The following USP46 variants were observed in gnomAD, a reference collection of about 807,000 sequenced individuals.
The protein encoded by USP46 is ubiquitin carboxyl-terminal hydrolase 46.
USP46 carries 12 observed loss-of-function variants against 44.4 expected under a neutral mutation model. The ratio of observed to expected loss-of-function variants is 0.27; its 90% CI spans 0.17 to 0.44. USP46 has a LOEUF of 0.44. USP46 is among the 20% of genes least tolerant of loss of function. USP46 has a pLI of 1.00. For missense variants in USP46, 248 were observed against 444.8 expected (o/e 0.56, Z 3.98); for synonymous variants, 155 against 161.5 (o/e 0.96, Z 0.31).
intron 4 of USP46, among the ~76,000 whole-genome samples, chr4:52,623,636 A>G (rs1717465803): frequency 6.6e-6 from 1 of 152,172 alleles, no homozygotes; most frequent in African/African-American, 2.4e-5. Context: ...ATAAAAACAA[A>G]AAGTAGGGGC....
At chr4:52,627,861 A>C (rs188883716) in intron 3 of USP46, 89 bp downstream of exon 3, 47 of 1,392,738 alleles carry the variant, frequency 3.4e-5, no homozygotes, top group Non-Finnish European at 4.5e-5. Flanking sequence ...CTTTTCAAAA[A>C]AATGCCAGCT....
At chr4:52,639,860 G>GTT (rs34078992) in intron 1 of USP46, among the ~76,000 whole-genome samples, 156 of 116,538 alleles carry the variant, frequency 1.3e-3, no homozygotes, top group East Asian at 8.1e-3. Flanking sequence ...CCATGCCTGG[G>GTT]TTTTTTTTTT....
intron 4 of USP46, 107 bp from the exon 5 acceptor site, chr4:52,610,724 T>TA (rs1257933787): frequency 1.9e-6 from 2 of 1,040,056 alleles, no homozygotes; most frequent in African/African-American, 3.2e-5. Flanking sequence ...TAACTGCAGT[T>TA]AAAGTCCTGC....
intron 1 of USP46, among the ~76,000 whole-genome samples, chr4:52,644,179 G>C (rs1031372472): frequency 6.6e-6 from 1 of 152,168 alleles, no homozygotes; most frequent in African/African-American, 2.4e-5. Context: ...CCATGTCATA[G>C]CTGAAGGAAA....
rs1223781733 is a variant in USP46 at position 52,601,922 on chromosome 4, G to A, written c.855C>T (p.Thr285=). The change falls in exon 7 of 9, where the codon ACC becomes ACT. Residue 285 remains threonine, a synonymous_variant. Coordinates refer to ENST00000441222, the MANE Select transcript of USP46 (RefSeq NM_022832.4). ...GGTCCAGGTTCACTGCATCACTGGA[G>A]GTGTTGAAGAGCCGGAGTTCCAGAG... ...VFPLELRLFN[T]SSDAVNLDRM... The A allele has an allele frequency of 6.2e-7, 1 of 1,613,968 alleles. No individual in the cohort carries two copies. The highest frequency in any genetic ancestry group is 8.5e-7 in the Non-Finnish European group (1 of 1,179,890).
intron 1 of USP46, among the ~76,000 whole-genome samples, chr4:52,641,481 C>T (rs117575128): frequency 3.9e-5 from 6 of 151,996 alleles, no homozygotes; most frequent in East Asian, 3.9e-4. Flanking sequence ...ATGCATAAGA[C>T]GGATAAAGAA....
intron 1 of USP46, among the ~76,000 whole-genome samples, chr4:52,633,003 AAAGAAAGAAAG>A (rs1560406352): frequency 2.5e-5 from 3 of 122,272 alleles, no homozygotes; most frequent in African/African-American, 7.5e-5. Context: ...AGAAAGAAAG[AAAGAAAGAAAG>A]AAAGAAAGAA....
intron 1 of USP46, among the ~76,000 whole-genome samples, chr4:52,655,905 AT>A (rs1246877213): frequency 6.6e-6 from 1 of 152,216 alleles, no homozygotes; most frequent in Non-Finnish European, 1.5e-5. Context: ...GAATGAAGAT[AT>A]TTTCCAAGTT....
chr4:52,639,479 C>A (rs1718246364), intron 1 of USP46, among the ~76,000 whole-genome samples: 2 of 152,082 alleles, frequency 1.3e-5, no homozygotes, highest in South Asian at 4.1e-4. Context: ...CTAGCTCCTA[C>A]CACCAAATGC....
chr4:52,617,551 G>A (rs1717201497), intron 4 of USP46, among the ~76,000 whole-genome samples: 1 of 152,200 alleles, frequency 6.6e-6, no homozygotes, highest in Non-Finnish European at 1.5e-5. Flanking sequence ...ACTGCTCAGA[G>A]GAATCACCCC....
At chr4:52,632,822 G>C (rs1204201976) in intron 1 of USP46, among the ~76,000 whole-genome samples, 1 of 138,648 alleles carries the variant, frequency 7.2e-6, no homozygotes, top group Non-Finnish European at 1.6e-5. Context: ...AGAAGGAAAA[G>C]AACAGAACAG....
intron 1 of USP46, chr4:52,656,434 C>CGGGCCCGGGGGGGGG: frequency 7.5e-6 from 1 of 133,490 alleles, no homozygotes; most frequent in Non-Finnish European, 1.1e-5. Context: ...ACAGTGGGGG[C>CGGGCCCGGGGGGGGG]GGTGGGTGGG....
chr4:52,635,733 A>G lies in USP46; in HGVS notation c.37-4589T>C, dbSNP rs555836473. 9.2e-5 allele frequency among the ~76,000 whole-genome samples: 14 copies of G among 152,154 alleles called. No homozygotes were observed. In the South Asian group the frequency reaches 2.5e-3, roughly 27 times the overall value. On this transcript the variant is annotated intron_variant, in intron 1 of 8. Coordinates refer to ENST00000441222, the MANE Select transcript of USP46 (RefSeq NM_022832.4). ...CCATATCAAAAATACACACACCCAC[A>G]CTGCCCCAAACATCACCTCCAGTTA...
At chr4:52,646,477 CA>C (rs1718554130) in intron 1 of USP46, among the ~76,000 whole-genome samples, 1 of 152,014 alleles carries the variant, frequency 6.6e-6, no homozygotes, top group African/African-American at 2.4e-5. Context: ...GTTATTTACT[CA>C]AAACTCTCTG....
At chr4:52,656,558 C>A in intron 1 of USP46, 1 of 1,386,532 alleles carries the variant, frequency 7.2e-7, no homozygotes, top group Non-Finnish European at 9.3e-7. Context: ...ATGATCTCCA[C>A]TGTCCCTTAA....
chr4:52,628,073 G>C lies in USP46; in HGVS notation c.208C>G (p.Gln70Glu). The change falls in exon 3 of 9, where the codon CAA becomes GAA. Residue 70 changes from glutamine to glutamate, a missense_variant. This residue lies in a region of USP46 where 54 missense variants were observed against 135.0 expected (regional missense o/e 0.40). Coordinates refer to ENST00000441222, the MANE Select transcript of USP46 (RefSeq NM_022832.4). The part of the protein sequence containing the change: ...RENVLAYKAQ[Q>E]KKKENLLTCL... ...GTCAGCAAGTTTTCCTTCTTCTTTT[G>C]CTGGGCCTTGTATGCCAACACATTC... 1 of 1,613,962 alleles carries C rather than the reference G, an allele frequency of 6.2e-7. No individual in the cohort carries two copies. The highest frequency in any genetic ancestry group is 8.5e-7 in the Non-Finnish European group (1 of 1,179,880).
At chr4:52,610,642 T>A (rs1480027126) in intron 4 of USP46, 25 bp from the exon 5 acceptor site, 1 of 1,607,666 alleles carries the variant, frequency 6.2e-7, no homozygotes, top group Non-Finnish European at 8.5e-7. Flanking sequence ...AGAAACAATA[T>A]ATTAGGCATG....
chr4:52,646,268 C>A (rs1372075037), intron 1 of USP46, among the ~76,000 whole-genome samples: 1 of 152,162 alleles, frequency 6.6e-6, no homozygotes, highest in African/African-American at 2.4e-5. Context: ...TGCACTTGTG[C>A]GGCAACCCGG....
At chr4:52,636,989 T>G (rs758870428) in intron 1 of USP46, among the ~76,000 whole-genome samples, 1 of 151,884 alleles carries the variant, frequency 6.6e-6, no homozygotes, top group Admixed American at 6.6e-5. Flanking sequence ...TTTGTATTTT[T>G]TTGTAGGGAC....
Sources: allele counts gnomAD v4.1 joint callset (sites outside exome capture counted in the v4.1 genomes callset), GRCh38; gene constraint gnomAD v4.1.1; regional missense constraint gnomAD v4.1.1; transcripts MANE v1.5; gene names NCBI Gene and HGNC (gene_info 2026-07-23, HGNC 2026-07-21).